Variants in NEDD9 observed in about 807,000 individuals in gnomAD.
NEDD9 encodes the protein neural precursor cell expressed, developmentally down-regulated 9, also known as enhancer of filamentation 1.
NEDD9 carries 26 observed loss-of-function variants against 76.6 expected under a neutral mutation model. The observed-to-expected ratio is 0.34, with a 90% CI of 0.25 to 0.47. The LOEUF (loss-of-function observed/expected upper bound fraction) is 0.47. Among genes scored for constraint, NEDD9 ranks in the 20% least tolerant of loss-of-function variants. The probability of loss-of-function intolerance (pLI) is 1.00; values close to 1 mark genes in which losing one functional copy is unlikely to be tolerated. For synonymous variants in NEDD9, 392 were observed against 414.2 expected, an observed-to-expected ratio of 0.95 and a Z score of 0.65; for missense variants, 937 against 1,058.5, an observed-to-expected ratio of 0.89 and a Z score of 1.59.
intron 3 of NEDD9, among the ~76,000 whole-genome samples, chr6:11,284,613 C>A (rs984345353): frequency 6.6e-6 from 1 of 151,242 alleles, no homozygotes; most frequent in Non-Finnish European, 1.5e-5. Context: ...CTACTTCTAG[C>A]AAATTCAGTT....
chr6:11,308,571 G>A (rs1213141088), intron 2 of NEDD9, among the ~76,000 whole-genome samples: 2 of 151,760 alleles, frequency 1.3e-5, no homozygotes, highest in Non-Finnish European at 2.9e-5. Flanking sequence ...GGGTTTCATC[G>A]TGTTAGCCAG....
intron 3 of NEDD9, among the ~76,000 whole-genome samples, chr6:11,289,952 T>TA (rs1192251608): frequency 2.0e-5 from 3 of 152,118 alleles, no homozygotes; most frequent in African/African-American, 7.2e-5. Flanking sequence ...AAAAATCCTA[T>TA]AGATATATAA....
intron 3 of NEDD9, among the ~76,000 whole-genome samples, chr6:11,284,003 T>C (rs1760591154): frequency 6.6e-6 from 1 of 152,170 alleles, no homozygotes; most frequent in Non-Finnish European, 1.5e-5. Flanking sequence ...AGAGTTAGTG[T>C]AGATGCATCC....
chr6:11,290,307 C>T (rs1196350773), intron 3 of NEDD9, among the ~76,000 whole-genome samples: 1 of 152,166 alleles, frequency 6.6e-6, no homozygotes, highest in Non-Finnish European at 1.5e-5. Flanking sequence ...GACCTTCATT[C>T]CCCCCAAAGG....
Position 11,192,460 on chromosome 6 carries a change from C to T in NEDD9, c.562-14G>A, listed in dbSNP as rs774322550. On this transcript the variant is annotated splice_polypyrimidine_tract_variant and intron_variant, in intron 3 of 6. Transcript: ENST00000379446. ...GATGTCGTATACCTGAAGAGAAACC[C>T]GTGAGTTACCCAGAATGGAAATGTC... is the stretch of plus-strand genomic sequence containing the variant. The T allele has an allele frequency of 5.8e-5, 92 of 1,578,812 alleles. 1 individual carries two copies. In the South Asian group the frequency reaches 7.0e-4, roughly 12 times the overall value.
chr6:11,332,703 C>T (rs1434467923), intron 2 of NEDD9, among the ~76,000 whole-genome samples: 1 of 152,164 alleles, frequency 6.6e-6, no homozygotes, highest in Non-Finnish European at 1.5e-5. Context: ...TGAGTGTGCT[C>T]TGGAACTGAT....
intron 2 of NEDD9, among the ~76,000 whole-genome samples, chr6:11,314,542 T>C (rs1761486607): frequency 6.6e-6 from 1 of 152,216 alleles, no homozygotes; most frequent in Non-Finnish European, 1.5e-5. Flanking sequence ...AGGCAGCTTT[T>C]ATGCCCCCTC....
chr6:11,315,458 T>A (rs1388513287), intron 2 of NEDD9, among the ~76,000 whole-genome samples: 1 of 152,238 alleles, frequency 6.6e-6, no homozygotes, highest in East Asian at 1.9e-4. Context: ...ATATATTTCT[T>A]TCCATTTGTA....
chr6:11,256,308 TC>T (rs1271198270), intron 3 of NEDD9, among the ~76,000 whole-genome samples: 4 of 152,162 alleles, frequency 2.6e-5, no homozygotes, highest in African/African-American at 9.7e-5. Context: ...TTGGTTCCTC[TC>T]CTGCCAGGTG....
chr6:11,232,461 A>T, intron 1 of NEDD9, 43 bp downstream of exon 1: 1 of 1,613,334 alleles, frequency 6.2e-7, no homozygotes, highest in Non-Finnish European at 8.5e-7. Context: ...CCGCAGGCAC[A>T]GCTTTCAGCT....
At chr6:11,235,014 T>C (rs1266997226), upstream of NEDD9, among the ~76,000 whole-genome samples, 1 of 152,164 alleles carries the variant, frequency 6.6e-6, no homozygotes, top group African/African-American at 2.4e-5. This position sits in a 1 kb window ranked among gnomAD's most constrained non-coding sequence, Gnocchi z 4.1. Context: ...GCCTGGCCAG[T>C]TGAACTTCTT....
In NEDD9 at chr6:11,237,942, T is replaced by G. The variant is rs908537898; in HGVS notation, c.13-24215A>C. 1.3e-5 allele frequency among the ~76,000 whole-genome samples: 2 copies of G among 152,230 alleles called. No homozygotes were observed. The highest frequency in any genetic ancestry group is 6.5e-5 in the Admixed American group (1 of 15,292). ...ACCATTCTAGGGCCATGTTTTATCA[T>G]TTCTAGTTTGACATTAGTTTTTAAA... On this transcript the variant is annotated intron_variant, in intron 3 of 3. Coordinates refer to the NEDD9 transcript ENST00000397378. The surrounding 1 kb of genome is among the most constrained non-coding windows in gnomAD (Gnocchi z 4.9).
chr6:11,302,191 C>G (rs1187761006), intron 3 of NEDD9, among the ~76,000 whole-genome samples: 1 of 152,136 alleles, frequency 6.6e-6, no homozygotes, highest in Non-Finnish European at 1.5e-5. Context: ...GATATCACCA[C>G]TGATCCCACA....
rs955779478 is a variant in NEDD9, at chr6:11,287,244, A to G, written c.12+18748T>C. On this transcript the variant is annotated intron_variant, in intron 3 of 3. Coordinates refer to the NEDD9 transcript ENST00000397378. ...GGAGTTCGAGACCAGCCTGGCCAAC[A>G]TGGCAAAACCCCATCTCTACTAAAA... is the stretch of plus-strand genomic sequence containing the variant. 3.3e-5 allele frequency among the ~76,000 whole-genome samples: 5 copies of G among 152,152 alleles called. No individual in the cohort carries two copies. In the East Asian group the frequency reaches 9.6e-4, roughly 29 times the overall value.
chr6:11,361,323 G>A (rs957589938), intron 1 of NEDD9, among the ~76,000 whole-genome samples: 5 of 152,262 alleles, frequency 3.3e-5, no homozygotes, highest in Middle Eastern at 3.4e-3. Context: ...ATTGGCTCAC[G>A]GTTCTGCAGG....
chr6:11,285,550 C>G (rs1760630566), intron 3 of NEDD9, among the ~76,000 whole-genome samples: 1 of 151,880 alleles, frequency 6.6e-6, no homozygotes, highest in African/African-American at 2.4e-5. Flanking sequence ...AAAAGCAAAA[C>G]AAAAATCCTC....
At chr6:11,261,330 A>G (rs1158957430) in intron 3 of NEDD9, among the ~76,000 whole-genome samples, 1 of 152,200 alleles carries the variant, frequency 6.6e-6, no homozygotes, top group Admixed American at 6.5e-5. Context: ...GAGTCTTTGG[A>G]GGATAAGTAA....
At chr6:11,302,998 G>A (rs563759000) in intron 3 of NEDD9, among the ~76,000 whole-genome samples, 103 of 152,284 alleles carry the variant, frequency 6.8e-4, no homozygotes, top group African/African-American at 2.3e-3. Flanking sequence ...TCAACATAGT[G>A]TTGGAAGTTC....
chr6:11,236,669 C>G (rs757900740), upstream of NEDD9, among the ~76,000 whole-genome samples: 1 of 152,172 alleles, frequency 6.6e-6, no homozygotes, highest in Admixed American at 6.5e-5. This position sits in a 1 kb window ranked among gnomAD's most constrained non-coding sequence, Gnocchi z 5.5. Flanking sequence ...TGAGGTCAGG[C>G]CCCTGAATCT....
Sources: allele counts gnomAD v4.1 joint callset (sites outside exome capture counted in the v4.1 genomes callset), GRCh38; gene constraint gnomAD v4.1.1; non-coding constraint Gnocchi (gnomAD v3.1); transcripts MANE v1.5; gene names NCBI Gene and HGNC (gene_info 2026-07-23, HGNC 2026-07-21).